JAK2: variants seen among roughly 807,000 people sequenced by gnomAD.
JAK2 encodes the protein tyrosine-protein kinase JAK2.
JAK2 carries 86 observed loss-of-function variants against 139.3 expected under a neutral mutation model. That is an observed-to-expected ratio of 0.62 (90% confidence interval 0.52 to 0.74). The LOEUF is 0.74. Among genes scored for constraint, JAK2 ranks in the 30% least tolerant of loss-of-function variants. The probability of loss-of-function intolerance (pLI) is 0.00; values close to 1 mark genes in which losing one functional copy is unlikely to be tolerated. For synonymous variants in JAK2, 490 were observed against 437.7 expected (o/e 1.12, Z -1.49); for missense variants, 1,421 against 1,360.3 (o/e 1.04, Z -0.70).
chr9:5,057,452 TTAAG>T (rs1240410816), intron 8 of JAK2, among the ~76,000 whole-genome samples: 1 of 152,130 alleles, frequency 6.6e-6, no homozygotes, highest in African/African-American at 2.4e-5. Flanking sequence ...TTTAGTAGTG[TTAAG>T]TATATTCACT....
At chr9:5,107,575 A>T (rs1050454247) in intron 22 of JAK2, among the ~76,000 whole-genome samples, 2 of 152,178 alleles carry the variant, frequency 1.3e-5, no homozygotes, top group African/African-American at 4.8e-5. Flanking sequence ...TGAATTGGTA[A>T]ATAGTTTAAG....
At chr9:5,107,963 T>C (rs866498012) in intron 22 of JAK2, 1 of 152,254 alleles carries the variant, frequency 6.6e-6, no homozygotes, top group Middle Eastern at 3.4e-3. Context: ...CTGTTACCAA[T>C]AATATGATTC....
chr9:5,017,395 G>T (rs181306786), intron 2 of JAK2, among the ~76,000 whole-genome samples: 2 of 152,318 alleles, frequency 1.3e-5, no homozygotes, highest in Admixed American at 6.5e-5. Context: ...TTAATGCTAA[G>T]AACTTCGTTT....
intron 22 of JAK2, among the ~76,000 whole-genome samples, chr9:5,118,386 ATAAG>A (rs752216165): frequency 2.6e-5 from 4 of 152,220 alleles, no homozygotes; most frequent in Admixed American, 1.3e-4. Flanking sequence ...AGATATGTAT[ATAAG>A]TAAGTTGAAA....
chr9:5,068,270 A>G lies in JAK2; in HGVS notation c.1327-752A>G, dbSNP rs951168892. Among the ~76,000 whole-genome samples the G allele has an allele frequency of 2.6e-5, 4 of 152,222 alleles. No homozygotes were observed. In the South Asian group the frequency reaches 8.3e-4, roughly 32 times the overall value. On this transcript the variant is annotated intron_variant, in intron 10 of 24. Transcript: ENST00000381652. ...TTTTATATAAATGTTTCTGAGTAGA[A>G]TGAATATGTTTATAAAATGCACCTT... is the stretch of plus-strand genomic sequence containing the variant.
chr9:5,085,534 A>G (rs1344629576), intron 19 of JAK2: 12 of 712,458 alleles, frequency 1.7e-5, no homozygotes, highest in Non-Finnish European at 2.6e-5. Flanking sequence ...CAAATCTTCA[A>G]TAACTCGGGT....
chr9:5,060,970 T>C (rs890202183), intron 8 of JAK2, among the ~76,000 whole-genome samples: 2 of 152,232 alleles, frequency 1.3e-5, no homozygotes, highest in Non-Finnish European at 2.9e-5. Context: ...TGAATATCCT[T>C]GTACATCTCT....
Position 5,054,887 on chromosome 9 carries a change from A to T in JAK2, c.936+3A>T, listed in dbSNP as rs1310409210. ...AAAGTGAGACACTGACAGAACAGGT[A>T]ATCCTTAATGATATGTTCTTGTTCT... On this transcript the variant is annotated splice_donor_region_variant and intron_variant, in intron 7 of 24. Coordinates refer to ENST00000381652, the MANE Select transcript of JAK2 (RefSeq NM_004972.4). The surrounding 1 kb of genome is among the most constrained non-coding windows in gnomAD (Gnocchi z 4.9). The T allele has an allele frequency of 1.3e-6, 2 of 1,560,886 alleles. No individual in the cohort carries two copies. Among genetic ancestry groups the T allele is most frequent in the Non-Finnish European group, 1.7e-6 (2 of 1,145,840 alleles).
chr9:5,088,210 ACTTGAGAGTCCTGGGT>A (rs1042139659), intron 19 of JAK2, among the ~76,000 whole-genome samples: 78 of 152,086 alleles, frequency 5.1e-4, no homozygotes, highest in African/African-American at 5.3e-4. Context: ...TTCCAATCTG[ACTTGAGAGTCCTGGGT>A]CTTGAGAGTC....
rs147708271 is a variant in JAK2, at chr9:5,007,590, C to T, written c.-25-14373C>T. On this transcript the variant is annotated intron_variant, in intron 2 of 24. Coordinates refer to ENST00000381652, the MANE Select transcript of JAK2 (RefSeq NM_004972.4). ...GTAATCATTGAATGCAAAATATGTC[C>T]TATTTTGCAACTTAATATACTTTTA... Among the ~76,000 whole-genome samples, 231 of 150,260 alleles carry T rather than the reference C, an allele frequency of 1.5e-3. 1 individual carries two copies. Among genetic ancestry groups the T allele is most frequent in the African/African-American group, 5.5e-3 (218 of 39,744 alleles).
chr9:5,055,765 C>T lies in JAK2; in HGVS notation c.1033C>T (p.His345Tyr), dbSNP rs1364986464. The part of the protein sequence containing the change: ...GSNESRVVTI[H>Y]KQDGKNLEIE... ...AAATGAAAGCCGAGTTGTAACTATC[C>T]ATAAGCAAGATGGTAAAAATCTGGT... The change falls in exon 8 of 25, where the codon CAT becomes TAT. Residue 345 changes from histidine to tyrosine, a missense_variant. By Grantham distance (83) the His-to-Tyr change is moderately conservative. Coordinates refer to ENST00000381652, the MANE Select transcript of JAK2 (RefSeq NM_004972.4). 26 of 1,610,384 alleles carry T rather than the reference C, an allele frequency of 1.6e-5. No homozygotes were observed. Among genetic ancestry groups the T allele is most frequent in the Non-Finnish European group, 2.2e-5 (26 of 1,177,488 alleles).
intron 4 of JAK2, among the ~76,000 whole-genome samples, chr9:5,034,384 A>C (rs1586672674): frequency 1.3e-5 from 2 of 152,208 alleles, no homozygotes; most frequent in South Asian, 2.1e-4. Flanking sequence ...CTCTGGACCA[A>C]GCAGACCTAA....
At chr9:5,078,227 G>C (rs983060855) in intron 15 of JAK2, 79 bp from the exon 16 acceptor site, 2 of 1,205,442 alleles carry the variant, frequency 1.7e-6, no homozygotes, top group Non-Finnish European at 2.3e-6. Context: ...CTTTAAATCT[G>C]TTTTGGGGGC....
chr9:5,102,600 C>T (rs1821596426), intron 22 of JAK2, among the ~76,000 whole-genome samples: 1 of 152,052 alleles, frequency 6.6e-6, no homozygotes. Context: ...TCATATTCAC[C>T]AAGGTTGAAA....
chr9:5,114,390 C>T, intron 22 of JAK2: 1 of 517,532 alleles, frequency 1.9e-6, no homozygotes, highest in Admixed American at 2.3e-5. Flanking sequence ...GTCCACCCTG[C>T]TGGTGGGCAC....
In JAK2 at chr9:5,127,692, C is replaced by T. The variant is rs1318455776; in HGVS notation, c.*901C>T. On this transcript the variant is annotated 3_prime_UTR_variant, in exon 25 of 25. Transcript: ENST00000381652. ...GACTGCCAATAACATTCTTCGATCT[C>T]TGGGATTTATGCTCATGAACTAAAT... 3 of 232,114 alleles carry T rather than the reference C, an allele frequency of 1.3e-5. No individual in the cohort carries two copies. The highest frequency in any genetic ancestry group is 2.6e-5 in the Non-Finnish European group (3 of 117,056). 14.4% of individuals were successfully genotyped at this position (232,114 alleles called of 1,614,324 possible). A position where few individuals can be genotyped will look rare whatever the true frequency, so the allele number is the denominator to read the frequency against.
chr9:5,090,010 G>A (rs1441474189), intron 20 of JAK2, 147 bp downstream of exon 20: 4 of 467,248 alleles, frequency 8.6e-6, no homozygotes, highest in South Asian at 1.0e-4. Context: ...TGTGTTTGGT[G>A]ATCATAGACT....
chr9:5,089,972 G>A, intron 20 of JAK2, 109 bp downstream of exon 20: 1 of 603,538 alleles, frequency 1.7e-6, no homozygotes, highest in Non-Finnish European at 2.5e-6. Context: ...ATGCCCAGAG[G>A]GAGAGGCATT....
intron 9 of JAK2, among the ~76,000 whole-genome samples, chr9:5,065,393 T>C (rs1818497785): frequency 6.6e-6 from 1 of 152,212 alleles, no homozygotes; most frequent in Non-Finnish European, 1.5e-5. Context: ...AAATTCTTTA[T>C]GTTTGGATAG....
Sources: allele counts gnomAD v4.1 joint callset (sites outside exome capture counted in the v4.1 genomes callset), GRCh38; gene constraint gnomAD v4.1.1; non-coding constraint Gnocchi (gnomAD v3.1); transcripts MANE v1.5; gene names NCBI Gene and HGNC (gene_info 2026-07-23, HGNC 2026-07-21).